The following ZNF471 variants were observed in gnomAD, a reference collection of about 807,000 sequenced individuals.
ZNF471 encodes EZFIT-related protein 1.
A neutral mutation model predicts 13.7 loss-of-function variants in ZNF471; 7 were observed. The observed-to-expected ratio is 0.51, with a 90% CI of 0.29 to 0.96. The LOEUF (loss-of-function observed/expected upper bound fraction) is 0.96, where lower values mean the gene tolerates loss of function less well. Among genes scored for constraint, ZNF471 ranks in the 40% least tolerant of loss-of-function variants. The pLI, the probability that ZNF471 is intolerant of heterozygous loss-of-function variation, is 0.08. For synonymous variants in ZNF471, 218 were observed against 235.6 expected (o/e 0.93, Z 0.68); for missense variants, 663 against 743.3 (o/e 0.89, Z 1.26).
Position 56,510,854 on chromosome 19 carries a change from G to A in ZNF471, c.-55-663G>A. The A allele has an allele frequency of 2.0e-6, 2 of 985,448 alleles. No homozygotes were observed. Among genetic ancestry groups the A allele is most frequent in the Non-Finnish European group, 2.4e-6 (2 of 829,936 alleles). The allele number at this position is 985,448 out of a possible 1,614,324, so 61.0% of individuals were successfully genotyped here. A position where few individuals can be genotyped will look rare whatever the true frequency, so the allele number is the denominator to read the frequency against. On this transcript the variant is annotated intron_variant, in intron 1 of 4. Transcript: ENST00000308031. This position sits in a 1 kb window ranked among gnomAD's most constrained non-coding sequence, Gnocchi z 4.3. ...AAGAAGCAAAGCTGGGGTGACTGAAGCTCCTAACTGAAGCAGGAGACACCC... is the reference window on the plus strand; with the variant it reads ...AAGAAGCAAAGCTGGGGTGACTGAAACTCCTAACTGAAGCAGGAGACACCC...
intron 4 of ZNF471, 49 bp downstream of exon 4, chr19:56,518,626 A>T (rs369159402): frequency 6.7e-7 from 1 of 1,495,110 alleles, no homozygotes; most frequent in Non-Finnish European, 9.2e-7. Context: ...ATAATGGCTC[A>T]GCCATTTTTA....
Position 56,526,717 on chromosome 19 carries a change from C to A in ZNF471, c.*769C>A, listed in dbSNP as rs1432077283. 6.6e-6 allele frequency: 1 copy of A among 152,254 alleles called. No individual in the cohort carries two copies. Among genetic ancestry groups the A allele is most frequent in the Admixed American group, 6.5e-5 (1 of 15,278 alleles). The allele number at this position is 152,254 out of a possible 1,614,324, so 9.4% of individuals were successfully genotyped here. On this transcript the variant is annotated 3_prime_UTR_variant, in exon 5 of 5. Coordinates refer to ENST00000308031, the MANE Select transcript of ZNF471 (RefSeq NM_020813.4). The stretch of plus-strand genomic sequence containing the variant: ...GCTTGAATAGGTGGTTTTCCCCTCA[C>A]AGCGTAAACAAAGCCATGGGGAAGT...
intron 1 of ZNF471, chr19:56,509,750 TG>T: frequency 3.3e-6 from 1 of 301,574 alleles, no homozygotes; most frequent in Non-Finnish European, 4.8e-6. Context: ...TGTGTGTGTG[TG>T]TGTAGATCCC....
In ZNF471 at chr19:56,527,511, G is replaced by A. The variant is rs1255842872; in HGVS notation, c.*1563G>A. 1 of 152,156 alleles carries A rather than the reference G, an allele frequency of 6.6e-6. No homozygotes were observed. Among genetic ancestry groups the A allele is most frequent in the African/African-American group, 2.4e-5 (1 of 41,414 alleles). The allele number at this position is 152,156 out of a possible 1,614,324, so 9.4% of individuals were successfully genotyped here. A position where few individuals can be genotyped will look rare whatever the true frequency, so the allele number is the denominator to read the frequency against. On this transcript the variant is annotated 3_prime_UTR_variant, in exon 5 of 5. Coordinates refer to ENST00000308031, the MANE Select transcript of ZNF471 (RefSeq NM_020813.4). ...GACAGAAGTAGGCTTCAGAAGGTGGGAAATAACAAACTCCTCTGAGCTAAA... is the reference window on the plus strand; with the variant it reads ...GACAGAAGTAGGCTTCAGAAGGTGGAAAATAACAAACTCCTCTGAGCTAAA...
At position 56,516,197 on chromosome 19, in the gene ZNF471, G is replaced by T. The variant is rs1033866421; in HGVS notation, c.34-78G>T. On this transcript the variant is annotated intron_variant, in intron 2 of 4. Coordinates refer to ENST00000308031, the MANE Select transcript of ZNF471 (RefSeq NM_020813.4). The surrounding 1 kb of genome is among the most constrained non-coding windows in gnomAD (Gnocchi z 4.4). ...TTCTATGAGTTATTTCTCACCTAAA[G>T]TAGAGACACTTTGGATCAACTCAGA... The T allele has an allele frequency of 2.7e-6, 4 of 1,455,216 alleles. No individual in the cohort carries two copies. In the Admixed American group the frequency reaches 7.3e-5, roughly 27 times the overall value. 90.1% of individuals were successfully genotyped at this position (1,455,216 alleles called of 1,614,324 possible).
At chr19:56,512,877 G>A (rs575721681) in intron 2 of ZNF471, among the ~76,000 whole-genome samples, 8 of 152,050 alleles carry the variant, frequency 5.3e-5, no homozygotes, top group South Asian at 2.1e-4. Context: ...GGAAAGTTAC[G>A]TTAAATTAAT....
At position 56,508,142 on chromosome 19, in the gene ZNF471, C is replaced by G. The variant is rs1199859825; in HGVS notation, c.-56+222C>G. 22 of 985,230 alleles carry G rather than the reference C, an allele frequency of 2.2e-5. No individual in the cohort carries two copies. Among genetic ancestry groups the G allele is most frequent in the Non-Finnish European group, 2.7e-5 (22 of 829,918 alleles). 61.0% of individuals were successfully genotyped at this position (985,230 alleles called of 1,614,324 possible). A position where few individuals can be genotyped will look rare whatever the true frequency, so the allele number is the denominator to read the frequency against. ...TCGGGGCGGCTTGGGGCGGCGGGAC[C>G]ACTGGAGTGAGCTGTGGGAGAGATG... On this transcript the variant is annotated intron_variant, in intron 1 of 4. Coordinates refer to ENST00000308031, the MANE Select transcript of ZNF471 (RefSeq NM_020813.4). This position sits in a 1 kb window ranked among gnomAD's most constrained non-coding sequence, Gnocchi z 4.7.
chr19:56,523,608 G>A (rs529524678), intron 4 of ZNF471, among the ~76,000 whole-genome samples: 14 of 152,102 alleles, frequency 9.2e-5, no homozygotes, highest in Non-Finnish European at 2.1e-4. Context: ...ATGGTTACTG[G>A]AGATCTCCAG....
Position 56,526,717 on chromosome 19 carries a change from C to G in ZNF471, c.*769C>G, listed in dbSNP as rs1432077283. ...GCTTGAATAGGTGGTTTTCCCCTCACAGCGTAAACAAAGCCATGGGGAAGT... is the reference window on the plus strand; with the variant it reads ...GCTTGAATAGGTGGTTTTCCCCTCAGAGCGTAAACAAAGCCATGGGGAAGT... On this transcript the variant is annotated 3_prime_UTR_variant, in exon 5 of 5. Transcript: ENST00000308031. 1 of 152,254 alleles carries G rather than the reference C, an allele frequency of 6.6e-6. No individual in the cohort carries two copies. Among genetic ancestry groups the G allele is most frequent in the African/African-American group, 2.4e-5 (1 of 41,440 alleles). The allele number at this position is 152,254 out of a possible 1,614,324, so 9.4% of individuals were successfully genotyped here.
At chr19:56,517,252 C>T (rs1355906814) in intron 3 of ZNF471, among the ~76,000 whole-genome samples, 1 of 149,138 alleles carries the variant, frequency 6.7e-6, no homozygotes, top group Non-Finnish European at 1.5e-5. Flanking sequence ...CCTGCCTTAG[C>T]CTCCCAAGTA....
intron 2 of ZNF471, among the ~76,000 whole-genome samples, chr19:56,514,813 A>C (rs1025712982): frequency 3.3e-5 from 5 of 152,184 alleles, no homozygotes; most frequent in African/African-American, 1.2e-4. Flanking sequence ...CACAACCTAC[A>C]CTCCAGAAGT....
chr19:56,522,773 G>A lies in ZNF471; in HGVS notation c.257-1551G>A, dbSNP rs1447715757. Among the ~76,000 whole-genome samples, 2 of 135,050 alleles carry A rather than the reference G, an allele frequency of 1.5e-5. No homozygotes were observed. The highest frequency in any genetic ancestry group is 2.8e-5 in the African/African-American group (1 of 35,920). The allele number at this position is 135,050 out of a possible 152,430, so 88.6% of individuals were successfully genotyped here. A position where few individuals can be genotyped will look rare whatever the true frequency, so the allele number is the denominator to read the frequency against. On this transcript the variant is annotated intron_variant, in intron 4 of 4. Coordinates refer to ENST00000308031, the MANE Select transcript of ZNF471 (RefSeq NM_020813.4). The surrounding 1 kb of genome is among the most constrained non-coding windows in gnomAD (Gnocchi z 4.1). ...TTTTTTGAGATGGAGTTTCATTCTT[G>A]TCACCCAGGCTGGAGTGCAATGGCA...
In ZNF471 at chr19:56,516,429, C is replaced by A. The variant is rs369401720; in HGVS notation, c.160+28C>A. On this transcript the variant is annotated intron_variant, in intron 3 of 4. Transcript: ENST00000308031. This position sits in a 1 kb window ranked among gnomAD's most constrained non-coding sequence, Gnocchi z 4.4. ...GAGGATCTTTTCCCTCCTGCATAAT[C>A]TACCTTTAAGGAACTTTTTTGTCTA... 202 of 1,588,348 alleles carry A rather than the reference C, an allele frequency of 1.3e-4. No individual in the cohort carries two copies. The African/African-American group carries it at 2.4e-3, about 19-fold the overall frequency.
Position 56,508,290 on chromosome 19 carries a change from CGT to C in ZNF471, c.-56+376_-56+377del. The C allele has an allele frequency of 1.5e-6, 1 of 680,852 alleles. No individual in the cohort carries two copies. Among genetic ancestry groups the C allele is most frequent in the Non-Finnish European group, 1.8e-6 (1 of 553,604 alleles). 42.2% of individuals were successfully genotyped at this position (680,852 alleles called of 1,614,324 possible). On this transcript the variant is annotated intron_variant, in intron 1 of 4. Coordinates refer to ENST00000308031, the MANE Select transcript of ZNF471 (RefSeq NM_020813.4). This position sits in a 1 kb window ranked among gnomAD's most constrained non-coding sequence, Gnocchi z 4.7. ...GTCCAGTGTGAGACCAGGGTATGTT[CGT>C]GTGTGACAGAGCGAGACGGGCCAGT... is the stretch of plus-strand genomic sequence containing the variant.
Position 56,508,996 on chromosome 19 carries a change from AG to A in ZNF471, c.-56+1077del, listed in dbSNP as rs1308912475. ...TTGTGAGAGAGAGGGAGGCGATCAA[AG>A]TATAGGACAAAGTTATGTTTCCTGG... On this transcript the variant is annotated intron_variant, in intron 1 of 4. Transcript: ENST00000308031. This position sits in a 1 kb window ranked among gnomAD's most constrained non-coding sequence, Gnocchi z 4.7. 2.0e-5 allele frequency among the ~76,000 whole-genome samples: 3 copies of A among 152,244 alleles called. No individual in the cohort carries two copies. The highest frequency in any genetic ancestry group is 4.4e-5 in the Non-Finnish European group (3 of 68,042).
rs142418676 is a variant in ZNF471, at chr19:56,528,967, A to C, written c.*3019A>C. On this transcript the variant is annotated 3_prime_UTR_variant, in exon 5 of 5. Transcript: ENST00000308031. ...ATGTTCCACTTCTTTCATGAGGCTA[A>C]GTCAACTCTGATATCAAACCAAGGG... 6.6e-6 allele frequency: 1 copy of C among 152,264 alleles called. No individual in the cohort carries two copies. The highest frequency in any genetic ancestry group is 1.9e-4 in the East Asian group (1 of 5,180). The allele number at this position is 152,264 out of a possible 1,614,324, so 9.4% of individuals were successfully genotyped here.
chr19:56,508,483 CTGGA>C lies in ZNF471; in HGVS notation c.-56+568_-56+571del, dbSNP rs911875603. ...TATTCGTGTGAGAGAGTGAGACGGG[CTGGA>C]TGGAGTGTGAGAGACCAGTGAGTGT... On this transcript the variant is annotated intron_variant, in intron 1 of 4. Transcript: ENST00000308031. This position sits in a 1 kb window ranked among gnomAD's most constrained non-coding sequence, Gnocchi z 4.7. 9.4e-5 allele frequency among the ~76,000 whole-genome samples: 14 copies of C among 149,544 alleles called. No individual in the cohort carries two copies. The highest frequency in any genetic ancestry group is 8.6e-4 in the Admixed American group (13 of 15,058).
In ZNF471 at chr19:56,525,276, C is replaced by A. The variant is rs1412244815; in HGVS notation, c.1209C>A (p.Tyr403Ter). The A allele has an allele frequency of 3.7e-6, 6 of 1,611,298 alleles. No individual in the cohort carries two copies. Among genetic ancestry groups the A allele is most frequent in the South Asian group, 1.1e-5 (1 of 90,822 alleles). The change falls in exon 5 of 5, where the codon TAC (tyrosine) becomes TAA (stop). Residue 403 changes from tyrosine (Y) to a stop codon, truncating the protein, a stop_gained. Coordinates refer to ENST00000308031, the MANE Select transcript of ZNF471 (RefSeq NM_020813.4). LOFTEE classifies it low-confidence loss of function (END_TRUNC). ...GAATTCATACAGGAGAGAAACCTTA[C>A]AAATGTGGTGTGTGTGGAAAAACCT... Reference protein sequence around the residue: ...HRRIHTGEKPYKCGVCGKTFS... With the variant: ...HRRIHTGEKP
In ZNF471 at chr19:56,516,410, C is replaced by G; in HGVS notation, c.160+9C>G. 2 of 1,608,066 alleles carry G rather than the reference C, an allele frequency of 1.2e-6. No individual in the cohort carries two copies. Among genetic ancestry groups the G allele is most frequent in the Non-Finnish European group, 8.5e-7 (1 of 1,177,532 alleles). ...GAGCCTGGTATCACTTGGTGAGGATCTTTTCCCTCCTGCATAATCTACCTT... is the reference window on the plus strand; with the variant it reads ...GAGCCTGGTATCACTTGGTGAGGATGTTTTCCCTCCTGCATAATCTACCTT... On this transcript the variant is annotated intron_variant, in intron 3 of 4. Transcript: ENST00000308031. This position sits in a 1 kb window ranked among gnomAD's most constrained non-coding sequence, Gnocchi z 4.4.
Sources: gnomAD v4.1 joint callset for allele counts (sites outside exome capture counted in the v4.1 genomes callset) on GRCh38, gnomAD v4.1.1 for gene constraint, Gnocchi (gnomAD v3.1) non-coding constraint, MANE v1.5 for transcripts, NCBI Gene and HGNC (gene_info 2026-07-23, HGNC 2026-07-21) for gene names.